Variants in UGT2B28 observed in about 807,000 individuals in gnomAD.
UGT2B28 encodes the protein UDP glucuronosyltransferase family 2 member B28.
In UGT2B28, 45 loss-of-function variants were observed where a neutral mutation model predicts 43.6. The ratio of observed to expected loss-of-function variants is 1.03; its 90% CI spans 0.81 to 1.32. The LOEUF is 1.32. Among genes scored for constraint, UGT2B28 ranks in the 40% most tolerant of loss-of-function variants. UGT2B28 has a pLI of 0.00. For missense variants in UGT2B28, 649 were observed against 625.5 expected (o/e 1.04, Z -0.40); for synonymous variants, 204 against 208.1 (o/e 0.98, Z 0.17).
rs1453181481 is a variant in UGT2B28, at chr4:69,289,055, T to G, written c.1003-610T>G. On this transcript the variant is annotated intron_variant, in intron 3 of 5. Coordinates refer to ENST00000335568, the MANE Select transcript of UGT2B28 (RefSeq NM_053039.2). ...GAATAGTACTGCAACTAACATATAT[T>G]TTCATGGATCTTCATAAAAGAACCA... 5.0e-5 allele frequency among the ~76,000 whole-genome samples: 7 copies of G among 139,928 alleles called. 1 individual carries two copies. The highest frequency in any genetic ancestry group is 4.1e-4 in the East Asian group (2 of 4,910). The allele number at this position is 139,928 out of a possible 152,430, so 91.8% of individuals were successfully genotyped here.
chr4:69,280,688 T>C lies in UGT2B28; in HGVS notation c.188T>C (p.Leu63Pro). The C allele has an allele frequency of 6.4e-7, 1 of 1,561,090 alleles. No individual in the cohort carries two copies. The highest frequency in any genetic ancestry group is 8.7e-7 in the Non-Finnish European group (1 of 1,156,020). ...VTVLASSASILFDPNDAFTLK... is the reference protein window; with the variant it reads ...VTVLASSASIPFDPNDAFTLK... ...GTACTGGCATCTTCAGCTTCCATTCTTTTTGATCCCAATGACGCATTCACT... is the reference window on the plus strand; with the variant it reads ...GTACTGGCATCTTCAGCTTCCATTCCTTTTGATCCCAATGACGCATTCACT... The change falls in exon 1 of 6, where the codon CTT becomes CCT. Residue 63 changes from leucine (L) to proline (P), a missense_variant. Coordinates refer to ENST00000335568, the MANE Select transcript of UGT2B28 (RefSeq NM_053039.2).
At position 69,294,882 on chromosome 4, in the gene UGT2B28, G is replaced by T; in HGVS notation, c.*73G>T. 1 of 1,376,820 alleles carries T rather than the reference G, an allele frequency of 7.3e-7. No homozygotes were observed. Among genetic ancestry groups the T allele is most frequent in the Admixed American group, 2.8e-5 (1 of 36,346 alleles). 85.3% of individuals were successfully genotyped at this position (1,376,820 alleles called of 1,614,324 possible). A position where few individuals can be genotyped will look rare whatever the true frequency, so the allele number is the denominator to read the frequency against. ...CAGTTTATTCCAGCAAGAAAGAAAAGATTGTTATGCAAGATTTCTTTCTTC... is the reference window on the plus strand; with the variant it reads ...CAGTTTATTCCAGCAAGAAAGAAAATATTGTTATGCAAGATTTCTTTCTTC... On this transcript the variant is annotated 3_prime_UTR_variant, in exon 6 of 6. Coordinates refer to ENST00000335568, the MANE Select transcript of UGT2B28 (RefSeq NM_053039.2).
chr4:69,292,748 A>G (rs1723990023), intron 5 of UGT2B28, among the ~76,000 whole-genome samples: 1 of 140,168 alleles, frequency 7.1e-6, no homozygotes, highest in Non-Finnish European at 1.5e-5. Context: ...TGGGCAATAA[A>G]TCAAGACTTA....
intron 1 of UGT2B28, among the ~76,000 whole-genome samples, chr4:69,282,020 A>G (rs1488525276): frequency 7.1e-6 from 1 of 140,296 alleles, no homozygotes; most frequent in East Asian, 2.0e-4. Flanking sequence ...AGTAGTTGGT[A>G]CAAGGATTTC....
Position 69,287,940 on chromosome 4 carries a change from C to G in UGT2B28, c.1002+1057C>G, listed in dbSNP as rs112236446. 6.3e-3 allele frequency among the ~76,000 whole-genome samples: 879 copies of G among 140,374 alleles called. 170 individuals are homozygous for G. The highest frequency in any genetic ancestry group is 0.023 in the African/African-American group (827 of 35,876). 92.1% of individuals were successfully genotyped at this position (140,374 alleles called of 152,430 possible). On this transcript the variant is annotated intron_variant, in intron 3 of 5. Transcript: ENST00000335568. The stretch of plus-strand genomic sequence containing the variant: ...GTTAAACACTGTAAATTATTGTTCA[C>G]TTTATGAGGATTGCTTTGGAGTTTC...
chr4:69,289,298 T>A (rs1723874860), intron 3 of UGT2B28, among the ~76,000 whole-genome samples: 1 of 140,310 alleles, frequency 7.1e-6, no homozygotes, highest in Non-Finnish European at 1.5e-5. Flanking sequence ...TAGTGTGAGA[T>A]GTTATCTCAT....
chr4:69,293,595 C>T lies in UGT2B28; in HGVS notation c.1311-935C>T, dbSNP rs1724014492. On this transcript the variant is annotated intron_variant, in intron 5 of 5. Transcript: ENST00000335568. ...GGGAAGCCACAAAAAGGGAGAGAAG[C>T]ATGCCTTGGGTTGCAGCAAGAAAGA... 1.4e-5 allele frequency among the ~76,000 whole-genome samples: 2 copies of T among 139,722 alleles called. 1 individual carries two copies. The highest frequency in any genetic ancestry group is 4.8e-4 in the South Asian group (2 of 4,132). The allele number at this position is 139,722 out of a possible 152,430, so 91.7% of individuals were successfully genotyped here.
In UGT2B28 at chr4:69,281,223, TA is replaced by T; in HGVS notation, c.721+4del. 1 of 1,493,646 alleles carries T rather than the reference TA, an allele frequency of 6.7e-7. No individual in the cohort carries two copies. The allele number at this position is 1,493,646 out of a possible 1,614,324, so 92.5% of individuals were successfully genotyped here. A position where few individuals can be genotyped will look rare whatever the true frequency, so the allele number is the denominator to read the frequency against. ...ATCAGTTTTACAGTGAAGTTTTAGGTAAGAATTTGTTTAATCGGGAACTTGA... is the reference window on the plus strand; with the variant it reads ...ATCAGTTTTACAGTGAAGTTTTAGGTAGAATTTGTTTAATCGGGAACTTGA... On this transcript the variant is annotated splice_donor_region_variant and intron_variant, in intron 1 of 5. Transcript: ENST00000335568.
chr4:69,293,007 T>A (rs1427718028), intron 5 of UGT2B28, among the ~76,000 whole-genome samples: 1 of 140,486 alleles, frequency 7.1e-6, no homozygotes, highest in East Asian at 2.0e-4. Context: ...AGCAGAGTGT[T>A]CATGAGAGAA....
In UGT2B28 at chr4:69,289,325, A is replaced by G. The variant is rs1187453705; in HGVS notation, c.1003-340A>G. On this transcript the variant is annotated intron_variant, in intron 3 of 5. Coordinates refer to ENST00000335568, the MANE Select transcript of UGT2B28 (RefSeq NM_053039.2). ...TTATCTCATTATGGTTTTGATTTGA[A>G]TTTCTCTAATGATCCGTGCTGTTAA... Among the ~76,000 whole-genome samples the G allele has an allele frequency of 1.4e-5, 2 of 139,896 alleles. 1 individual carries two copies. Among genetic ancestry groups the G allele is most frequent in the African/African-American group, 5.6e-5 (2 of 35,708 alleles). 91.8% of individuals were successfully genotyped at this position (139,896 alleles called of 152,430 possible).
In UGT2B28 at chr4:69,282,882, G is replaced by T. The variant is rs1414792289; in HGVS notation, c.870+220G>T. On this transcript the variant is annotated intron_variant, in intron 2 of 5. Transcript: ENST00000335568. ...TAGAGAGGAATAGTAAGGAGACTTT[G>T]AAAATAGGGTTGATTAAAGTCTTGA... is the stretch of plus-strand genomic sequence containing the variant. Among the ~76,000 whole-genome samples, 6 of 139,948 alleles carry T rather than the reference G, an allele frequency of 4.3e-5. 1 individual carries two copies. Among genetic ancestry groups the T allele is most frequent in the Admixed American group, 2.9e-4 (4 of 13,862 alleles). 91.8% of individuals were successfully genotyped at this position (139,948 alleles called of 152,430 possible). A position where few individuals can be genotyped will look rare whatever the true frequency, so the allele number is the denominator to read the frequency against.
chr4:69,294,853 A>G lies in UGT2B28; in HGVS notation c.*44A>G. The G allele has an allele frequency of 6.7e-7, 1 of 1,488,028 alleles. No individual in the cohort carries two copies. The highest frequency in any genetic ancestry group is 8.9e-7 in the Non-Finnish European group (1 of 1,121,008). The allele number at this position is 1,488,028 out of a possible 1,614,324, so 92.2% of individuals were successfully genotyped here. A position where few individuals can be genotyped will look rare whatever the true frequency, so the allele number is the denominator to read the frequency against. ...GCTGGAAAACCAGATAGATGGGTTG[A>G]CATCAGTTTATTCCAGCAAGAAAGA... On this transcript the variant is annotated 3_prime_UTR_variant, in exon 6 of 6. Coordinates refer to ENST00000335568, the MANE Select transcript of UGT2B28 (RefSeq NM_053039.2).
At position 69,294,603 on chromosome 4, in the gene UGT2B28, T is replaced by C. The variant is rs1351370042; in HGVS notation, c.1384T>C (p.Phe462Leu). 2 of 1,555,756 alleles carry C rather than the reference T, an allele frequency of 1.3e-6. No homozygotes were observed. The highest frequency in any genetic ancestry group is 3.6e-5 in the Admixed American group (2 of 55,826). Residue 462 changes from phenylalanine to leucine, a missense_variant, in exon 6 of 6, where the codon TTC (phenylalanine) becomes CTC (leucine). Phe to Leu is a conservative substitution (Grantham distance 22, BLOSUM62 0). Transcript: ENST00000335568. ...AGTAAAGCCCCTGCATCGAGCAGTCTTCTGGATTGAATTTGTGATGTGCCA... is the reference window on the plus strand; with the variant it reads ...AGTAAAGCCCCTGCATCGAGCAGTCCTCTGGATTGAATTTGTGATGTGCCA... ...QPVKPLHRAVFWIEFVMCHKG... is the reference protein window; with the variant it reads ...QPVKPLHRAVLWIEFVMCHKG...
intron 5 of UGT2B28, among the ~76,000 whole-genome samples, chr4:69,293,081 A>C (rs1577998168): frequency 7.1e-6 from 1 of 141,030 alleles, no homozygotes; most frequent in Middle Eastern, 3.6e-3. Context: ...ATGAAGACAT[A>C]ATCTGTGGTT....
intron 2 of UGT2B28, among the ~76,000 whole-genome samples, chr4:69,286,399 T>A (rs1468650684): frequency 1.4e-5 from 2 of 140,642 alleles, no homozygotes; most frequent in African/African-American, 2.8e-5. Flanking sequence ...GTGGTGCCAC[T>A]TTTCCAAGAA....
chr4:69,286,709 C>A (rs371549976), intron 2 of UGT2B28, 43 bp from the exon 3 acceptor site: 3 of 1,542,354 alleles, frequency 1.9e-6, no homozygotes, highest in Non-Finnish European at 2.6e-6. Context: ...GTAGTGCCTG[C>A]TGTGGTGATA....
In UGT2B28 at chr4:69,281,642, T is replaced by G. The variant is rs1184929469; in HGVS notation, c.721+421T>G. Among the ~76,000 whole-genome samples the G allele has an allele frequency of 1.4e-5, 2 of 140,932 alleles. 1 individual carries two copies. Among genetic ancestry groups the G allele is most frequent in the Non-Finnish European group, 3.0e-5 (2 of 65,780 alleles). 92.5% of individuals were successfully genotyped at this position (140,932 alleles called of 152,430 possible). On this transcript the variant is annotated intron_variant, in intron 1 of 5. Transcript: ENST00000335568. ...GAAAGTTTTCCTTGTAAACCTCAGT[T>G]TTCTTTTTTAGGTATTAAAAGATAT...
rs762648595 is a variant in UGT2B28, at chr4:69,294,802, G to C, written c.1583G>C (p.Arg528Thr). 10 of 1,555,030 alleles carry C rather than the reference G, an allele frequency of 6.4e-6. 1 individual carries two copies. The highest frequency in any genetic ancestry group is 2.6e-6 in the Non-Finnish European group (3 of 1,153,256). ...KFARKGKKGK[R>T]D Reference sequence around the variant, plus strand: ...GCTAGAAAAGGGAAGAAGGGAAAAAGAGATTAGTTATGTCTGACATTTGAA... The same window carrying C: ...GCTAGAAAAGGGAAGAAGGGAAAAACAGATTAGTTATGTCTGACATTTGAA... Residue 528 changes from arginine (R) to threonine (T), a missense_variant, in exon 6 of 6, where the codon AGA becomes ACA. By Grantham distance (71) the Arg-to-Thr change is moderately conservative (BLOSUM62 -1). Coordinates refer to ENST00000335568, the MANE Select transcript of UGT2B28 (RefSeq NM_053039.2).
At chr4:69,292,853 A>G (rs1225602874) in intron 5 of UGT2B28, among the ~76,000 whole-genome samples, 1 of 140,352 alleles carries the variant, frequency 7.1e-6, no homozygotes, top group African/African-American at 2.8e-5. Flanking sequence ...AATATCCTTA[A>G]TATTGGAAAT....
Sources: gnomAD v4.1 joint callset for allele counts (sites outside exome capture counted in the v4.1 genomes callset) on GRCh38, gnomAD v4.1.1 for gene constraint, MANE v1.5 for transcripts, NCBI Gene and HGNC (gene_info 2026-07-23, HGNC 2026-07-21) for gene names.